The following CFAP299 variants were observed in gnomAD, a reference collection of about 807,000 sequenced individuals.
The protein encoded by CFAP299 is cilia and flagella associated protein 299, also known as cilia- and flagella-associated protein 299.
CFAP299 carries 21 observed loss-of-function variants against 27.0 expected under a neutral mutation model. The ratio of observed to expected loss-of-function variants is 0.78; its 90% CI spans 0.55 to 1.12. The LOEUF (loss-of-function observed/expected upper bound fraction) is 1.12. Ranked by LOEUF, CFAP299 falls within the 50% of genes most tolerant of loss-of-function variation. CFAP299 has a pLI of 0.00. For synonymous variants in CFAP299, 104 were observed against 98.1 expected (o/e 1.06, Z -0.36); for missense variants, 310 against 276.6 (o/e 1.12, Z -0.86).
At chr4:80,689,567 G>A (rs906993554) in intron 3 of CFAP299, among the ~76,000 whole-genome samples, 17 of 152,190 alleles carry the variant, frequency 1.1e-4, no homozygotes, top group East Asian at 9.7e-4. Flanking sequence ...AGGAACAACT[G>A]GTACCAGCCG....
chr4:80,811,287 C>A (rs1729141176), intron 3 of CFAP299, among the ~76,000 whole-genome samples: 4 of 152,086 alleles, frequency 2.6e-5, no homozygotes, highest in Non-Finnish European at 5.9e-5. Context: ...TATACCTAAT[C>A]TATTTACTCT....
At chr4:80,450,793 A>G (rs1417757749) in intron 2 of CFAP299, among the ~76,000 whole-genome samples, 1 of 152,070 alleles carries the variant, frequency 6.6e-6, no homozygotes, top group Non-Finnish European at 1.5e-5. Flanking sequence ...TTTCAACTTA[A>G]TGAAATAAAT....
chr4:80,931,720 GCA>G lies in CFAP299; in HGVS notation c.477-13072_477-13071del, dbSNP rs148245575. ...TGGTTTAGCTAATTTTAACATGCACGCACACACACACACACACACGCACACAC... is the reference window on the plus strand; with the variant it reads ...TGGTTTAGCTAATTTTAACATGCACGCACACACACACACACACGCACACAC... On this transcript the variant is annotated intron_variant, in intron 4 of 5. Coordinates refer to ENST00000358105, the MANE Select transcript of CFAP299 (RefSeq NM_152770.3). Among the ~76,000 whole-genome samples the G allele has an allele frequency of 2.4e-3, 346 of 147,230 alleles. 2 individuals carry two copies. Among genetic ancestry groups the G allele is most frequent in the African/African-American group, 5.8e-3 (235 of 40,558 alleles).
intron 3 of CFAP299, among the ~76,000 whole-genome samples, chr4:80,685,541 T>G: frequency 6.7e-6 from 1 of 148,672 alleles, no homozygotes. Flanking sequence ...TTTCATTTAA[T>G]AACTGAACTA....
chr4:80,856,342 A>G, intron 3 of CFAP299, among the ~76,000 whole-genome samples: 1 of 148,736 alleles, frequency 6.7e-6, no homozygotes, highest in African/African-American at 2.5e-5. Flanking sequence ...ATTTTCTCCC[A>G]TTTTGTGGGT....
the CFAP299 span, among the ~76,000 whole-genome samples, chr4:80,327,748 T>TATATAACTTCAATACA: frequency 6.9e-6 from 1 of 145,592 alleles, no homozygotes; most frequent in Non-Finnish European, 1.5e-5. Context: ...TATATATATA[T>TATATAACTTCAATACA]GTTGAGAAAG....
chr4:80,787,402 C>T (rs1293759124), intron 3 of CFAP299, among the ~76,000 whole-genome samples: 4 of 151,742 alleles, frequency 2.6e-5, no homozygotes, highest in African/African-American at 9.7e-5. Context: ...TTTCTTCCCT[C>T]TTTTCACTCT....
At chr4:80,511,180 A>C (rs1232192714) in intron 2 of CFAP299, among the ~76,000 whole-genome samples, 3 of 152,100 alleles carry the variant, frequency 2.0e-5, no homozygotes, top group African/African-American at 7.2e-5. Flanking sequence ...CAATCTGTTT[A>C]ATTTCTTTAT....
intron 3 of CFAP299, among the ~76,000 whole-genome samples, chr4:80,713,998 A>C (rs1459084421): frequency 6.6e-6 from 1 of 152,060 alleles, no homozygotes. Context: ...CCTCTATTAA[A>C]CTTATGAGAT....
intron 2 of CFAP299, among the ~76,000 whole-genome samples, chr4:80,429,810 T>C (rs1560563732): frequency 6.6e-6 from 1 of 152,150 alleles, no homozygotes; most frequent in Non-Finnish European, 1.5e-5. Context: ...AGAAGTTGAT[T>C]TGGGGTTAAG....
At chr4:80,605,012 A>G (rs1217253049) in intron 3 of CFAP299, among the ~76,000 whole-genome samples, 4 of 152,154 alleles carry the variant, frequency 2.6e-5, no homozygotes, top group Non-Finnish European at 5.9e-5. Context: ...TTTATTTTAC[A>G]TTGGCAAGAT....
intron 2 of CFAP299, among the ~76,000 whole-genome samples, chr4:80,413,260 G>A (rs2110062892): frequency 6.6e-6 from 1 of 152,260 alleles, no homozygotes; most frequent in South Asian, 2.1e-4. Flanking sequence ...CATTGACTAT[G>A]GTGCTGGCTG....
chr4:80,534,401 T>C (rs1045822584), intron 2 of CFAP299, among the ~76,000 whole-genome samples: 2 of 151,760 alleles, frequency 1.3e-5, no homozygotes, highest in African/African-American at 2.4e-5. Context: ...CATAGTTCTA[T>C]ACAGAGATAT....
intron 3 of CFAP299, among the ~76,000 whole-genome samples, chr4:80,826,533 C>G (rs185171648): frequency 4.5e-4 from 68 of 151,756 alleles, no homozygotes; most frequent in African/African-American, 1.6e-3. Context: ...TAAATATTTA[C>G]ATACCTAATA....
At chr4:80,851,212 G>A (rs893231744) in intron 3 of CFAP299, among the ~76,000 whole-genome samples, 1 of 152,056 alleles carries the variant, frequency 6.6e-6, no homozygotes, top group Non-Finnish European at 1.5e-5. Flanking sequence ...CCAAGCTAAG[G>A]AGCATCTATA....
At chr4:80,531,316 T>C (rs567523127) in intron 2 of CFAP299, among the ~76,000 whole-genome samples, 5 of 152,220 alleles carry the variant, frequency 3.3e-5, no homozygotes, top group Non-Finnish European at 7.3e-5. Context: ...TATATATTTA[T>C]AGATAAATTT....
intron 3 of CFAP299, among the ~76,000 whole-genome samples, chr4:80,670,065 T>G (rs894454833): frequency 6.6e-6 from 1 of 152,166 alleles, no homozygotes; most frequent in Admixed American, 6.5e-5. Flanking sequence ...GGTATACATG[T>G]GCCATGTTGG....
At chr4:80,900,983 T>C (rs1202310182) in intron 4 of CFAP299, among the ~76,000 whole-genome samples, 1 of 152,108 alleles carries the variant, frequency 6.6e-6, no homozygotes, top group East Asian at 1.9e-4. Context: ...ACTAAGTAAC[T>C]ACCATTTAGT....
chr4:80,778,830 C>G (rs939764548), intron 3 of CFAP299, among the ~76,000 whole-genome samples: 1 of 152,042 alleles, frequency 6.6e-6, no homozygotes, highest in African/African-American at 2.4e-5. Flanking sequence ...GTCATTGACA[C>G]AATCCACCAA....
Sources: allele counts gnomAD v4.1 joint callset (sites outside exome capture counted in the v4.1 genomes callset), GRCh38; gene constraint gnomAD v4.1.1; transcripts MANE v1.5; gene names NCBI Gene and HGNC (gene_info 2026-07-23, HGNC 2026-07-21).